Variants in SRSF3 observed in about 807,000 individuals in gnomAD.
SRSF3 encodes the protein serine and arginine rich splicing factor 3.
For synonymous variants in SRSF3, 87 were observed against 73.6 expected, an observed-to-expected ratio of 1.18 and a Z score of -0.93; for missense variants, 58 against 217.1, an observed-to-expected ratio of 0.27 and a Z score of 4.61.
chr6:36,602,936 C>G lies in SRSF3; in HGVS notation c.*947C>G, dbSNP rs1294665901. ...GCATAATTGTGTATAGTCAGTTGAA[C>G]CCACTGTTACCATTGTTCTTATCCC... On this transcript the variant is annotated 3_prime_UTR_variant, in exon 6 of 6. Coordinates refer to ENST00000373715, the MANE Select transcript of SRSF3 (RefSeq NM_003017.5). The G allele has an allele frequency of 9.3e-6, 2 of 215,050 alleles. No homozygotes were observed. The highest frequency in any genetic ancestry group is 4.5e-5 in the African/African-American group (2 of 44,238). The allele number at this position is 215,050 out of a possible 1,614,324, so 13.3% of individuals were successfully genotyped here.
chr6:36,595,549 T>A (rs1778612908), intron 1 of SRSF3, among the ~76,000 whole-genome samples: 1 of 152,224 alleles, frequency 6.6e-6, no homozygotes, highest in Non-Finnish European at 1.5e-5. Context: ...TTCCTGTCTC[T>A]CTGAACTTAG....
intron 2 of SRSF3, chr6:36,597,336 C>G (rs1778647434): frequency 4.1e-6 from 1 of 245,676 alleles, no homozygotes; most frequent in African/African-American, 2.3e-5. Flanking sequence ...GAACTCCTGA[C>G]CCCAGGTGAT....
chr6:36,597,185 A>C (rs1778644838), intron 2 of SRSF3: 4 of 555,984 alleles, frequency 7.2e-6, no homozygotes, highest in Non-Finnish European at 1.3e-5. Flanking sequence ...CGCTCCCCGC[A>C]ACCTCGGCCT....
Position 36,602,335 on chromosome 6 carries a change from T to A in SRSF3, c.*346T>A, listed in dbSNP as rs1329405151. The A allele has an allele frequency of 3.5e-6, 1 of 283,786 alleles. No individual in the cohort carries two copies. The highest frequency in any genetic ancestry group is 6.5e-6 in the Non-Finnish European group (1 of 153,644). 17.6% of individuals were successfully genotyped at this position (283,786 alleles called of 1,614,324 possible). A position where few individuals can be genotyped will look rare whatever the true frequency, so the allele number is the denominator to read the frequency against. The stretch of plus-strand genomic sequence containing the variant: ...TTTTAAATTTAAATACAGAAACAAC[T>A]GGCAAAAATTGAACTAAGATTTACT... On this transcript the variant is annotated 3_prime_UTR_variant, in exon 6 of 6. Transcript: ENST00000373715.
Position 36,603,049 on chromosome 6 carries a change from A to G in SRSF3, c.*1060A>G, listed in dbSNP as rs1778744366. On this transcript the variant is annotated 3_prime_UTR_variant, in exon 6 of 6. Coordinates refer to ENST00000373715, the MANE Select transcript of SRSF3 (RefSeq NM_003017.5). ...TAGTCTTCTGAAGTGAAGGAAATAT[A>G]GATGTCACCTAAGTGATAGTTAACC... The G allele has an allele frequency of 4.5e-6, 1 of 221,320 alleles. No individual in the cohort carries two copies. The highest frequency in any genetic ancestry group is 5.8e-5 in the Admixed American group (1 of 17,380). The allele number at this position is 221,320 out of a possible 1,614,324, so 13.7% of individuals were successfully genotyped here.
At chr6:36,595,526 G>T (rs932076130) in intron 1 of SRSF3, among the ~76,000 whole-genome samples, 1 of 152,094 alleles carries the variant, frequency 6.6e-6, no homozygotes, top group African/African-American at 2.4e-5. Flanking sequence ...CTAGTCCCTA[G>T]CAACCACTAA....
At chr6:36,595,049 C>A (rs1225802375) in intron 1 of SRSF3, among the ~76,000 whole-genome samples, 1 of 152,144 alleles carries the variant, frequency 6.6e-6, no homozygotes, top group African/African-American at 2.4e-5. Flanking sequence ...AAAATTTTCA[C>A]CAGTGGTTTG....
intron 2 of SRSF3, chr6:36,597,213 C>A: frequency 1.9e-6 from 1 of 525,010 alleles, no homozygotes; most frequent in Non-Finnish European, 3.4e-6. Flanking sequence ...TCAAGTGATT[C>A]TCCTGCCTCA....
At chr6:36,598,595 G>A in intron 2 of SRSF3, 1 of 384,554 alleles carries the variant, frequency 2.6e-6, no homozygotes, top group Non-Finnish European at 4.8e-6. Context: ...CGTTGGCCAA[G>A]ATAGTGTCGA....
In SRSF3 at chr6:36,603,720, C is replaced by T; in HGVS notation, c.*1731C>T. 4.3e-6 allele frequency: 1 copy of T among 230,814 alleles called. No individual in the cohort carries two copies. The highest frequency in any genetic ancestry group is 6.2e-5 in the East Asian group (1 of 16,184). 14.3% of individuals were successfully genotyped at this position (230,814 alleles called of 1,614,324 possible). A position where few individuals can be genotyped will look rare whatever the true frequency, so the allele number is the denominator to read the frequency against. ...CATTGGGCATTTTGTCTTTAGTATT[C>T]TCACATAGCCTACAACCTGTTCCTG... On this transcript the variant is annotated 3_prime_UTR_variant, in exon 6 of 6. Coordinates refer to ENST00000373715, the MANE Select transcript of SRSF3 (RefSeq NM_003017.5).
In SRSF3 at chr6:36,602,271, T is replaced by A; in HGVS notation, c.*282T>A. ...GAACTTTTAGTTATGCACAGACTGA[T>A]AATAAACCTCTAAACCTGCCCAGCG... On this transcript the variant is annotated 3_prime_UTR_variant, in exon 6 of 6. Transcript: ENST00000373715. 1 of 437,418 alleles carries A rather than the reference T, an allele frequency of 2.3e-6. No individual in the cohort carries two copies. 27.1% of individuals were successfully genotyped at this position (437,418 alleles called of 1,614,324 possible).
chr6:36,597,175 C>G (rs958731701), intron 2 of SRSF3: 1 of 578,398 alleles, frequency 1.7e-6, no homozygotes, highest in Non-Finnish European at 3.0e-6. Flanking sequence ...TACAGTCTCC[C>G]GCTCCCCGCA....
chr6:36,603,966 A>C lies in SRSF3; in HGVS notation c.*1977A>C, dbSNP rs761706786. ...TGAAATAAAAGTAACTTCACCAGGG[A>C]GTTATCCTGACTTAGGTGACATACA... On this transcript the variant is annotated 3_prime_UTR_variant, in exon 6 of 6. Transcript: ENST00000373715. 9 of 230,528 alleles carry C rather than the reference A, an allele frequency of 3.9e-5. No homozygotes were observed. The highest frequency in any genetic ancestry group is 6.9e-5 in the Non-Finnish European group (8 of 116,520). 14.3% of individuals were successfully genotyped at this position (230,528 alleles called of 1,614,324 possible).
chr6:36,601,669 T>C (rs767573972), intron 4 of SRSF3, 39 bp from the exon 5 acceptor site: 5 of 1,515,038 alleles, frequency 3.3e-6, no homozygotes, highest in Non-Finnish European at 4.5e-6. Context: ...TATAATTTTA[T>C]CATACCTCAT....
rs1442177302 is a variant in SRSF3, at chr6:36,602,063, T to A, written c.*74T>A. On this transcript the variant is annotated 3_prime_UTR_variant, in exon 6 of 6. Coordinates refer to ENST00000373715, the MANE Select transcript of SRSF3 (RefSeq NM_003017.5). ...AGGAGTATGTACAGAAAATTCAAGTTTTGTTTGAGACTTCATAAGCTTGGT... is the reference window on the plus strand; with the variant it reads ...AGGAGTATGTACAGAAAATTCAAGTATTGTTTGAGACTTCATAAGCTTGGT... 1.3e-6 allele frequency: 2 copies of A among 1,558,834 alleles called. No individual in the cohort carries two copies. Among genetic ancestry groups the A allele is most frequent in the Admixed American group, 4.4e-5 (2 of 45,350 alleles).
At chr6:36,601,543 T>C in intron 4 of SRSF3, 165 bp from the exon 5 acceptor site, 1 of 665,378 alleles carries the variant, frequency 1.5e-6, no homozygotes, top group Non-Finnish European at 2.6e-6. Context: ...GGGATCTCAC[T>C]TTGTTGTCCA....
chr6:36,597,831 C>T (rs867861562), intron 2 of SRSF3, among the ~76,000 whole-genome samples: 3 of 142,534 alleles, frequency 2.1e-5, no homozygotes, highest in Non-Finnish European at 4.6e-5. Flanking sequence ...CTACTGTGAG[C>T]TATAATTTCT....
rs1417901334 is a variant in SRSF3 at position 36,602,548 on chromosome 6, G to A, written c.*559G>A. 9.6e-5 allele frequency: 21 copies of A among 218,390 alleles called. No homozygotes were observed. The East Asian group carries it at 1.4e-3, about 15-fold the overall frequency. 13.5% of individuals were successfully genotyped at this position (218,390 alleles called of 1,614,324 possible). On this transcript the variant is annotated 3_prime_UTR_variant, in exon 6 of 6. Coordinates refer to ENST00000373715, the MANE Select transcript of SRSF3 (RefSeq NM_003017.5). ...GTATAGAATGTTAAGTTTCAAGAAA[G>A]TTTACCTTTGCTTTAGGTCATAAGT...
rs1778748875 is a variant in SRSF3, at chr6:36,603,204, CTT to C, written c.*1217_*1218del. 1 of 223,112 alleles carries C rather than the reference CTT, an allele frequency of 4.5e-6. No individual in the cohort carries two copies. Among genetic ancestry groups the C allele is most frequent in the Non-Finnish European group, 9.0e-6 (1 of 111,446 alleles). The allele number at this position is 223,112 out of a possible 1,614,324, so 13.8% of individuals were successfully genotyped here. On this transcript the variant is annotated 3_prime_UTR_variant, in exon 6 of 6. Coordinates refer to ENST00000373715, the MANE Select transcript of SRSF3 (RefSeq NM_003017.5). Reference sequence around the variant, plus strand: ...TTGCCCATTAACAAATGGCTTTTATCTTTAGCATGAAAACTTTCCACAGGTCT... The same window carrying C: ...TTGCCCATTAACAAATGGCTTTTATCTAGCATGAAAACTTTCCACAGGTCT...
Sources: allele counts gnomAD v4.1 joint callset (sites outside exome capture counted in the v4.1 genomes callset), GRCh38; gene constraint gnomAD v4.1.1; transcripts MANE v1.5; gene names NCBI Gene and HGNC (gene_info 2026-07-23, HGNC 2026-07-21).